The following ERC2 variants were observed in gnomAD, a reference collection of about 807,000 sequenced individuals.
The protein encoded by ERC2 is ELKS/RAB6-interacting/CAST family member 2.
ERC2 carries 42 observed loss-of-function variants against 114.8 expected under a neutral mutation model. The ratio of observed to expected loss-of-function variants is 0.37; its 90% CI spans 0.29 to 0.47. The LOEUF (loss-of-function observed/expected upper bound fraction) is 0.47. Among genes scored for constraint, ERC2 ranks in the 20% least tolerant of loss-of-function variants. The probability of loss-of-function intolerance (pLI) is 0.99; values close to 1 mark genes in which losing one functional copy is unlikely to be tolerated. For synonymous variants in ERC2, 454 were observed against 425.5 expected, an observed-to-expected ratio of 1.07 and a Z score of -0.82; for missense variants, 939 against 1,150.7, an observed-to-expected ratio of 0.82 and a Z score of 2.66.
intron 17 of ERC2, among the ~76,000 whole-genome samples, chr3:55,563,570 G>A (rs2056176175): frequency 6.6e-6 from 1 of 152,200 alleles, no homozygotes. Context: ...TCTGATAAGA[G>A]AACACTGAGA....
intron 13 of ERC2, among the ~76,000 whole-genome samples, chr3:55,913,925 A>G (rs2064952010): frequency 6.6e-6 from 1 of 152,218 alleles, no homozygotes; most frequent in South Asian, 2.1e-4. Flanking sequence ...TTGAAGCTAG[A>G]GATTCAAAAG....
intron 7 of ERC2, among the ~76,000 whole-genome samples, chr3:56,023,585 G>A (rs369133811): frequency 1.3e-3 from 195 of 152,066 alleles, no homozygotes; most frequent in African/African-American, 4.6e-3. Context: ...CCTAAACCAG[G>A]TTAAGTCCCC....
intron 1 of ERC2, among the ~76,000 whole-genome samples, chr3:56,451,236 C>T (rs2062817128): frequency 6.6e-6 from 1 of 152,072 alleles, no homozygotes; most frequent in South Asian, 2.1e-4. Context: ...CCCCCTTGGC[C>T]CTAAAAATCC....
intron 13 of ERC2, among the ~76,000 whole-genome samples, chr3:55,897,201 T>A (rs1260341166): frequency 6.6e-6 from 1 of 152,216 alleles, no homozygotes; most frequent in Non-Finnish European, 1.5e-5. Context: ...CCAGCCTCTC[T>A]CTCAGTTATC....
intron 16 of ERC2, among the ~76,000 whole-genome samples, chr3:55,691,425 C>T (rs968272507): frequency 1.3e-5 from 2 of 151,352 alleles, no homozygotes; most frequent in African/African-American, 4.9e-5. Context: ...CCATGCAATA[C>T]ACATCAGCAC....
chr3:55,835,205 C>T (rs563169779), intron 14 of ERC2, among the ~76,000 whole-genome samples: 2 of 152,250 alleles, frequency 1.3e-5, no homozygotes, highest in South Asian at 2.1e-4. Flanking sequence ...CCTTCTGAAA[C>T]TATTCCAACG....
chr3:55,777,013 T>G (rs2068673032), intron 14 of ERC2, among the ~76,000 whole-genome samples: 2 of 152,128 alleles, frequency 1.3e-5, no homozygotes, highest in Admixed American at 1.3e-4. Context: ...TCTTCTTGCT[T>G]ATAGAACCAA....
At chr3:55,626,787 G>A (rs983668344) in intron 17 of ERC2, among the ~76,000 whole-genome samples, 1 of 152,242 alleles carries the variant, frequency 6.6e-6, no homozygotes, top group African/African-American at 2.4e-5. Flanking sequence ...TAACAGCACA[G>A]GTCATAGGTC....
intron 1 of ERC2, among the ~76,000 whole-genome samples, chr3:56,463,491 T>G (rs62254285): frequency 1.3e-4 from 20 of 152,164 alleles, no homozygotes; most frequent in Non-Finnish European, 2.6e-4. Flanking sequence ...GAGGTGGGCT[T>G]ATTTCCATCT....
chr3:55,787,223 C>T (rs1307267587), intron 14 of ERC2, among the ~76,000 whole-genome samples: 1 of 151,960 alleles, frequency 6.6e-6, no homozygotes. Flanking sequence ...TGAGACCAGC[C>T]CAGGAAATAT....
At chr3:56,029,904 T>G (rs924923289) in intron 7 of ERC2, among the ~76,000 whole-genome samples, 1 of 152,104 alleles carries the variant, frequency 6.6e-6, no homozygotes, top group Non-Finnish European at 1.5e-5. Context: ...AGGTAGGAAC[T>G]TGGAGTATTC....
intron 17 of ERC2, among the ~76,000 whole-genome samples, chr3:55,621,644 T>C (rs1203210689): frequency 2.6e-5 from 4 of 152,190 alleles, no homozygotes; most frequent in Admixed American, 2.0e-4. Context: ...AGGACAGTCA[T>C]GCACAGCAAA....
chr3:55,855,823 T>C (rs1331313484), intron 14 of ERC2, among the ~76,000 whole-genome samples: 2 of 152,222 alleles, frequency 1.3e-5, no homozygotes, highest in Admixed American at 6.5e-5. Flanking sequence ...ATGGGACTCA[T>C]ACTTTCTTTG....
intron 7 of ERC2, among the ~76,000 whole-genome samples, chr3:56,046,753 G>A (rs928849963): frequency 2.0e-5 from 3 of 152,164 alleles, no homozygotes; most frequent in Non-Finnish European, 4.4e-5. Flanking sequence ...AAAAGATCAT[G>A]AGCAGTCACC....
At chr3:55,651,876 T>C (rs1191318786) in intron 17 of ERC2, among the ~76,000 whole-genome samples, 2 of 152,202 alleles carry the variant, frequency 1.3e-5, no homozygotes, top group South Asian at 2.1e-4. Context: ...TTTTCACAGA[T>C]TGCAAAAAAG....
chr3:56,154,315 T>C (rs1433892916), intron 4 of ERC2, among the ~76,000 whole-genome samples: 1 of 152,184 alleles, frequency 6.6e-6, no homozygotes, highest in Non-Finnish European at 1.5e-5. Context: ...GGTGATGACC[T>C]AGATTAGAAA....
At chr3:55,725,245 T>C (rs906759195) in intron 15 of ERC2, among the ~76,000 whole-genome samples, 6 of 152,128 alleles carry the variant, frequency 3.9e-5, no homozygotes, top group African/African-American at 1.2e-4. Context: ...GGGAACACAA[T>C]GGTAAAGTTG....
At chr3:56,276,745 C>A (rs1007918279) in intron 3 of ERC2, among the ~76,000 whole-genome samples, 2 of 152,176 alleles carry the variant, frequency 1.3e-5, no homozygotes, top group Non-Finnish European at 2.9e-5. Flanking sequence ...GGTGTCCAAT[C>A]TTTTGGCTTC....
chr3:55,563,328 CTTTT>C (rs57775830), intron 17 of ERC2, among the ~76,000 whole-genome samples: 22 of 138,844 alleles, frequency 1.6e-4, no homozygotes, highest in Admixed American at 1.4e-4. Context: ...AGTGTCTTTC[CTTTT>C]TTTTTTTTTT....
Sources: allele counts gnomAD v4.1 joint callset (sites outside exome capture counted in the v4.1 genomes callset), GRCh38; gene constraint gnomAD v4.1.1; transcripts MANE v1.5; gene names NCBI Gene and HGNC (gene_info 2026-07-23, HGNC 2026-07-21).